The following CFTR variants were observed in gnomAD, a reference collection of about 807,000 sequenced individuals.
The protein encoded by CFTR is cystic fibrosis transmembrane conductance regulator.
In CFTR, 181 loss-of-function variants were observed where a neutral mutation model predicts 171.6. The observed-to-expected ratio is 1.05, with a 90% confidence interval of 0.93 to 1.19. The LOEUF (loss-of-function observed/expected upper bound fraction) is 1.19, where lower values mean the gene tolerates loss of function less well. CFTR is among the 50% of genes most tolerant of loss of function. The probability of loss-of-function intolerance (pLI) is 0.00; values close to 1 mark genes in which losing one functional copy is unlikely to be tolerated. For synonymous variants in CFTR, 583 were observed against 608.0 expected (o/e 0.96, Z 0.60); for missense variants, 1,968 against 1,734.7 (o/e 1.13, Z -2.39).
rs397508147 is a variant in CFTR at position 117,540,269 on chromosome 7, C to A, written c.1039C>A (p.Arg347Ser). The A allele has an allele frequency of 1.2e-6, 2 of 1,613,926 alleles. No homozygotes were observed. The highest frequency in any genetic ancestry group is 1.3e-5 in the African/African-American group (1 of 75,020). Reference sequence around the variant, plus strand: ...CACCATCTCATTCTGCATTGTTCTGCGCATGGCGGTCACTCGGCAATTTCC... The same window carrying A: ...CACCATCTCATTCTGCATTGTTCTGAGCATGGCGGTCACTCGGCAATTTCC... ...FTTISFCIVLRMAVTRQFPWA... is the reference protein window; with the variant it reads ...FTTISFCIVLSMAVTRQFPWA... Residue 347 changes from arginine (R) to serine (S), a missense_variant, in exon 8 of 27, where the codon CGC becomes AGC. Coordinates refer to ENST00000003084, the MANE Select transcript of CFTR (RefSeq NM_000492.4).
chr7:117,589,017 C>G (rs1791988979), intron 12 of CFTR, among the ~76,000 whole-genome samples: 1 of 152,082 alleles, frequency 6.6e-6, no homozygotes. Context: ...TATATGGCTT[C>G]TAGACATCCA....
intron 15 of CFTR, among the ~76,000 whole-genome samples, chr7:117,601,443 C>G (rs1792223374): frequency 1.3e-5 from 2 of 152,016 alleles, no homozygotes. Context: ...GTGAATTTAA[C>G]TAAAACTTAT....
chr7:117,559,789 T>G (rs1799430413), intron 11 of CFTR, 134 bp downstream of exon 11: 1 of 645,978 alleles, frequency 1.5e-6, no homozygotes, highest in Admixed American at 2.7e-5. Flanking sequence ...CTACTGTGAA[T>G]GGATCAATTA....
chr7:117,587,440 A>G (rs941983087), intron 11 of CFTR, among the ~76,000 whole-genome samples: 2 of 152,200 alleles, frequency 1.3e-5, no homozygotes, highest in African/African-American at 4.8e-5. Flanking sequence ...TGATCTACAC[A>G]TATTTATATA....
At position 117,590,378 on chromosome 7, in the gene CFTR, T is replaced by G. The variant is rs397508276; in HGVS notation, c.1705T>G (p.Tyr569Asp). ...ARAVYKDADLYLLDSPFGYLD... is the reference protein window; with the variant it reads ...ARAVYKDADLDLLDSPFGYLD... Reference sequence around the variant, plus strand: ...AGCAGTATACAAAGATGCTGATTTGTATTTATTAGACTCTCCTTTTGGATA... The same window carrying G: ...AGCAGTATACAAAGATGCTGATTTGGATTTATTAGACTCTCCTTTTGGATA... The change falls in exon 13 of 27, where the codon TAT (tyrosine) becomes GAT (aspartate). Residue 569 changes from tyrosine (Y) to aspartate (D), a missense_variant. Physicochemically the swap from Tyr to Asp is radical, Grantham distance 160 (BLOSUM62 -3). Transcript: ENST00000003084. 3.9e-5 allele frequency: 62 copies of G among 1,603,540 alleles called. No individual in the cohort carries two copies. The South Asian group carries it at 6.6e-4, about 17-fold the overall frequency.
intron 23 of CFTR, among the ~76,000 whole-genome samples, chr7:117,643,081 C>T (rs894180497): frequency 6.6e-6 from 1 of 151,798 alleles, no homozygotes; most frequent in Admixed American, 6.6e-5. Flanking sequence ...TTTTTAATGT[C>T]ACTCTGATTT....
chr7:117,571,243 T>C (rs1019788711), intron 11 of CFTR, among the ~76,000 whole-genome samples: 2 of 152,120 alleles, frequency 1.3e-5, no homozygotes, highest in African/African-American at 4.8e-5. Flanking sequence ...AAGATCTAAA[T>C]TACAAAGCAG....
At chr7:117,576,985 G>A (rs1222795491) in intron 11 of CFTR, among the ~76,000 whole-genome samples, 2 of 152,218 alleles carry the variant, frequency 1.3e-5, no homozygotes, top group African/African-American at 2.4e-5. Context: ...CACAGTCTTC[G>A]AAGGTAGAGA....
intron 3 of CFTR, among the ~76,000 whole-genome samples, chr7:117,512,256 T>C (rs1326432741): frequency 6.6e-6 from 1 of 152,224 alleles, no homozygotes; most frequent in Non-Finnish European, 1.5e-5. Flanking sequence ...CTATGACTTC[T>C]CACCATTAAC....
intron 10 of CFTR, among the ~76,000 whole-genome samples, chr7:117,557,145 A>G (rs1014370852): frequency 6.6e-6 from 1 of 152,084 alleles, no homozygotes; most frequent in Non-Finnish European, 1.5e-5. Flanking sequence ...TGTTTTCTAG[A>G]AAATCTGTAG....
intron 11 of CFTR, 152 bp downstream of exon 11, chr7:117,559,807 A>T: frequency 1.6e-6 from 1 of 619,156 alleles, no homozygotes; most frequent in Non-Finnish European, 2.9e-6. Flanking sequence ...TTAATAAAAC[A>T]CATGACCTAT....
At chr7:117,554,667 G>A (rs1799321917) in intron 10 of CFTR, among the ~76,000 whole-genome samples, 1 of 151,952 alleles carries the variant, frequency 6.6e-6, no homozygotes, top group Non-Finnish European at 1.5e-5. Context: ...TAAGGAGGTG[G>A]GTGAAGAAAA....
At chr7:117,582,085 C>T (rs1301749261) in intron 11 of CFTR, among the ~76,000 whole-genome samples, 2 of 152,106 alleles carry the variant, frequency 1.3e-5, no homozygotes, top group Non-Finnish European at 2.9e-5. Context: ...AAAAAAATTC[C>T]ACTTGGATTG....
chr7:117,529,508 G>T (rs1374190188), intron 3 of CFTR, among the ~76,000 whole-genome samples: 2 of 97,312 alleles, frequency 2.1e-5, no homozygotes, highest in Non-Finnish European at 3.6e-5. Context: ...CTAAAACTTA[G>T]AGTATAAAAA....
At chr7:117,539,095 T>G (rs1799004586) in intron 7 of CFTR, among the ~76,000 whole-genome samples, 1 of 152,116 alleles carries the variant, frequency 6.6e-6, no homozygotes. Context: ...CAGAGCCCTC[T>G]CTCTGTATCC....
chr7:117,639,803 C>T (rs1490037649), intron 22 of CFTR, among the ~76,000 whole-genome samples: 1 of 152,092 alleles, frequency 6.6e-6, no homozygotes, highest in Non-Finnish European at 1.5e-5. Flanking sequence ...TACTATGTTT[C>T]ATTAATAATT....
At chr7:117,519,274 AT>A (rs1798648927) in intron 3 of CFTR, among the ~76,000 whole-genome samples, 1 of 152,068 alleles carries the variant, frequency 6.6e-6, no homozygotes, top group Admixed American at 6.6e-5. Flanking sequence ...AAGCGTGAAT[AT>A]GTTTTTATTT....
intron 15 of CFTR, among the ~76,000 whole-genome samples, chr7:117,600,203 G>C (rs569895556): frequency 6.6e-6 from 1 of 152,014 alleles, no homozygotes; most frequent in African/African-American, 2.4e-5. Context: ...CTCTACTTTT[G>C]TATTTGGTAA....
intron 3 of CFTR, among the ~76,000 whole-genome samples, chr7:117,524,152 T>G (rs1385305341): frequency 1.3e-5 from 2 of 152,212 alleles, no homozygotes; most frequent in African/African-American, 4.8e-5. Flanking sequence ...AATGTGATTA[T>G]GCTAATCATG....
Sources: allele counts gnomAD v4.1 joint callset (sites outside exome capture counted in the v4.1 genomes callset), GRCh38; gene constraint gnomAD v4.1.1; transcripts MANE v1.5; gene names NCBI Gene and HGNC (gene_info 2026-07-23, HGNC 2026-07-21).